Variants in EPHB1 observed in about 807,000 individuals in gnomAD.
The protein encoded by EPHB1 is EPH receptor B1.
Under a neutral mutation model 94.4 loss-of-function variants are expected in EPHB1, and 30 were observed. That is an observed-to-expected ratio of 0.32 (90% CI 0.24 to 0.43). The LOEUF (loss-of-function observed/expected upper bound fraction) is 0.43. EPHB1 is among the 20% of genes least tolerant of loss of function. The pLI, the probability that EPHB1 is intolerant of heterozygous loss-of-function variation, is 1.00. For missense variants in EPHB1, 1,055 were observed against 1,308.3 expected (o/e 0.81, Z 2.99); for synonymous variants, 522 against 489.1 (o/e 1.07, Z -0.89).
chr3:134,965,455 T>C (rs548420344), intron 3 of EPHB1, among the ~76,000 whole-genome samples: 2 of 152,166 alleles, frequency 1.3e-5, no homozygotes, highest in Non-Finnish European at 2.9e-5. Context: ...GTCCCAGCAC[T>C]TTGAGAGGCC....
chr3:135,048,237 T>TTC lies in EPHB1; in HGVS notation c.806-58211_806-58210insTC, dbSNP rs397991143. Among the ~76,000 whole-genome samples, 534 of 142,262 alleles carry TTC rather than the reference T, an allele frequency of 3.8e-3. 6 individuals are homozygous for TTC. The highest frequency in any genetic ancestry group is 0.014 in the African/African-American group (508 of 36,154). The allele number at this position is 142,262 out of a possible 152,430, so 93.3% of individuals were successfully genotyped here. A position where few individuals can be genotyped will look rare whatever the true frequency, so the allele number is the denominator to read the frequency against. ...AAAAAAAATACTCTTTTTTTTTTTT[T>TTC]CTTTTTCTTTCTTTCTTTTTTCTTT... On this transcript the variant is annotated intron_variant, in intron 3 of 15. Transcript: ENST00000398015.
intron 2 of EPHB1, among the ~76,000 whole-genome samples, chr3:134,933,853 G>A (rs1372151813): frequency 2.0e-5 from 3 of 152,158 alleles, no homozygotes; most frequent in African/African-American, 7.2e-5. Flanking sequence ...GGCTCAGTCT[G>A]CAAAAGGTTT....
At chr3:135,039,462 C>T (rs577548566) in intron 3 of EPHB1, among the ~76,000 whole-genome samples, 39 of 152,318 alleles carry the variant, frequency 2.6e-4, no homozygotes, top group Non-Finnish European at 4.4e-4. Flanking sequence ...TGGGACTGGG[C>T]GCCGTGGAGT....
At position 135,162,198 on chromosome 3, in the gene EPHB1, C is replaced by T. The variant is rs986688569; in HGVS notation, c.1585+18C>T. On this transcript the variant is annotated intron_variant, in intron 7 of 15. Transcript: ENST00000398015. ...GACTGACGGTAAGGGTCGGGGAGGG[C>T]AGTGGCATAATCACAGGGCAGGCAG... 6 of 1,578,392 alleles carry T rather than the reference C, an allele frequency of 3.8e-6. No individual in the cohort carries two copies. In the African/African-American group the frequency reaches 6.8e-5, roughly 18 times the overall value.
chr3:135,215,872 A>G (rs1441989842), intron 12 of EPHB1, among the ~76,000 whole-genome samples: 1 of 152,206 alleles, frequency 6.6e-6, no homozygotes, highest in Non-Finnish European at 1.5e-5. Context: ...GCCACTTGAA[A>G]AACCTCTTCA....
intron 3 of EPHB1, among the ~76,000 whole-genome samples, chr3:134,996,467 A>G (rs958279998): frequency 6.6e-6 from 1 of 152,224 alleles, no homozygotes; most frequent in Non-Finnish European, 1.5e-5. Context: ...ATTTACAGCC[A>G]TGCGCCACCA....
At chr3:134,940,445 G>A (rs2039088857) in intron 2 of EPHB1, among the ~76,000 whole-genome samples, 1 of 152,186 alleles carries the variant, frequency 6.6e-6, no homozygotes, top group African/African-American at 2.4e-5. Flanking sequence ...ACTGGCAGAG[G>A]TGGGGTCTGC....
At chr3:135,051,467 C>T (rs1937165985) in intron 3 of EPHB1, among the ~76,000 whole-genome samples, 1 of 152,152 alleles carries the variant, frequency 6.6e-6, no homozygotes, top group Admixed American at 6.5e-5. Flanking sequence ...TAACTTATTC[C>T]TTGAAGGTTT....
chr3:134,915,310 C>G (rs1482368730), intron 1 of EPHB1, among the ~76,000 whole-genome samples: 1 of 152,148 alleles, frequency 6.6e-6, no homozygotes, highest in Non-Finnish European at 1.5e-5. Flanking sequence ...TCCAATATGA[C>G]TGGCATCCTT....
intron 1 of EPHB1, among the ~76,000 whole-genome samples, chr3:134,862,062 T>C (rs1429412805): frequency 6.6e-6 from 1 of 152,014 alleles, no homozygotes; most frequent in African/African-American, 2.4e-5. Context: ...CCCGAGAACA[T>C]TGATCTTGGC....
chr3:134,891,046 G>T (rs1258832879), intron 1 of EPHB1, among the ~76,000 whole-genome samples: 1 of 152,070 alleles, frequency 6.6e-6, no homozygotes, highest in Non-Finnish European at 1.5e-5. Flanking sequence ...TAGGCTAATT[G>T]TTTGCCTACT....
At chr3:135,222,348 G>A (rs1488512225) in intron 12 of EPHB1, among the ~76,000 whole-genome samples, 1 of 152,190 alleles carries the variant, frequency 6.6e-6, no homozygotes. Flanking sequence ...TTCCATGCCT[G>A]TTTCTCCAAT....
At chr3:135,238,906 G>T (rs1293083760) in intron 12 of EPHB1, among the ~76,000 whole-genome samples, 2 of 152,212 alleles carry the variant, frequency 1.3e-5, no homozygotes, top group African/African-American at 4.8e-5. Flanking sequence ...ACAACTTGGG[G>T]TCTCTGCACT....
rs1165821852 is a variant in EPHB1, at chr3:135,183,021, TTTTCTTTTCTTTCTTTCTTTCTTTC to T, written c.1882+3047_1882+3071del. ...TTTTCTTTTCTTTTCTTTTCTTTTC[TTTTCTTTTCTTTCTTTCTTTCTTTC>T]TTTCTTTCTTTCTTTCTTTCTTTCT... On this transcript the variant is annotated intron_variant, in intron 10 of 15. Coordinates refer to ENST00000398015, the MANE Select transcript of EPHB1 (RefSeq NM_004441.5). 8.3e-3 allele frequency among the ~76,000 whole-genome samples: 605 copies of T among 73,248 alleles called. 5 individuals are homozygous for T. The highest frequency in any genetic ancestry group is 0.03 in the African/African-American group (570 of 19,096). The allele number at this position is 73,248 out of a possible 152,430, so 48.1% of individuals were successfully genotyped here. A position where few individuals can be genotyped will look rare whatever the true frequency, so the allele number is the denominator to read the frequency against.
intron 15 of EPHB1, among the ~76,000 whole-genome samples, chr3:135,257,403 T>C (rs2107735556): frequency 1.3e-5 from 2 of 151,708 alleles, no homozygotes; most frequent in Admixed American, 1.3e-4. Flanking sequence ...TTGGTGTGGA[T>C]GTCCTTTCTG....
intron 2 of EPHB1, among the ~76,000 whole-genome samples, chr3:134,931,068 T>C (rs1384113751): frequency 6.6e-6 from 1 of 152,220 alleles, no homozygotes; most frequent in Non-Finnish European, 1.5e-5. Flanking sequence ...CACAGGCCCC[T>C]GAACTTAGGA....
chr3:135,001,934 G>C (rs534366041), intron 3 of EPHB1, among the ~76,000 whole-genome samples: 1 of 152,262 alleles, frequency 6.6e-6, no homozygotes, highest in Admixed American at 6.5e-5. Context: ...CTGTCCAAAA[G>C]AACTGAAAGC....
At chr3:134,958,869 C>T (rs969707433) in intron 3 of EPHB1, among the ~76,000 whole-genome samples, 3 of 152,086 alleles carry the variant, frequency 2.0e-5, no homozygotes, top group Non-Finnish European at 1.5e-5. Flanking sequence ...GGATGGCAAG[C>T]GGGAGTTCTG....
chr3:135,059,019 C>T (rs1937421969), intron 3 of EPHB1, among the ~76,000 whole-genome samples: 1 of 152,196 alleles, frequency 6.6e-6, no homozygotes. Context: ...TTAAACTACT[C>T]ACTCAAGCTT....
Sources: allele counts gnomAD v4.1 joint callset (sites outside exome capture counted in the v4.1 genomes callset), GRCh38; gene constraint gnomAD v4.1.1; transcripts MANE v1.5; gene names NCBI Gene and HGNC (gene_info 2026-07-23, HGNC 2026-07-21).